Variants in SSUH2 observed in about 807,000 individuals in gnomAD.
SSUH2 encodes the protein ssu-2 homolog.
SSUH2 carries 47 observed loss-of-function variants against 55.3 expected under a neutral mutation model. That is an observed-to-expected ratio of 0.85 (90% CI 0.67 to 1.08). The LOEUF (loss-of-function observed/expected upper bound fraction) is 1.08, where lower values mean the gene tolerates loss of function less well. Ranked by LOEUF, SSUH2 falls within the 50% of genes least tolerant of loss-of-function variation. The probability of loss-of-function intolerance (pLI) is 0.00; values close to 1 mark genes in which losing one functional copy is unlikely to be tolerated. For missense variants in SSUH2, 535 were observed against 490.7 expected (o/e 1.09, Z -0.85); for synonymous variants, 212 against 191.5 (o/e 1.11, Z -0.89).
rs73812747 is a variant in SSUH2 at position 8,668,718 on chromosome 3, T to C, written c.-455+2280A>G. On this transcript the variant is annotated intron_variant, in intron 5 of 18. Coordinates refer to the SSUH2 transcript ENST00000317371. ...GACAAATCAATATTCTGGAATTTAT[T>C]TGTAATTTTCTCCCCAAGTGAAGTT... Among the ~76,000 whole-genome samples the C allele has an allele frequency of 3.4e-3, 516 of 152,356 alleles. 5 individuals carry two copies. The highest frequency in any genetic ancestry group is 0.012 in the African/African-American group (497 of 41,584).
In SSUH2 at chr3:8,630,806, T is replaced by C; in HGVS notation, c.524A>G (p.Lys175Arg). Residue 175 changes from lysine to arginine, a missense_variant and splice_region_variant, in exon 6 of 12, where the codon AAG (lysine) becomes AGG (arginine). Coordinates refer to ENST00000544814, the MANE Select transcript of SSUH2 (RefSeq NM_001256748.3). ...KFQVPHSSLV[K>R]ECHKCHGRGR... ...CAGTAATCGCGTTAATCGTATTACC[T>C]TGACCAGTGACGAGTGAGGGACCTG... 1 of 1,454,074 alleles carries C rather than the reference T, an allele frequency of 6.9e-7. No individual in the cohort carries two copies. Among genetic ancestry groups the C allele is most frequent in the Non-Finnish European group, 9.1e-7 (1 of 1,101,204 alleles). 90.1% of individuals were successfully genotyped at this position (1,454,074 alleles called of 1,614,324 possible). A position where few individuals can be genotyped will look rare whatever the true frequency, so the allele number is the denominator to read the frequency against.
At chr3:8,631,942 G>T in intron 5 of SSUH2, 107 bp downstream of exon 5, 1 of 871,308 alleles carries the variant, frequency 1.1e-6, no homozygotes. Context: ...GCTCCAAGCA[G>T]AAGACCATCT....
intron 3 of SSUH2, 37 bp from the exon 4 acceptor site, chr3:8,633,832 G>T: frequency 6.2e-7 from 1 of 1,613,248 alleles, no homozygotes; most frequent in Non-Finnish European, 8.5e-7. Context: ...GGGCTTCTGG[G>T]AAGGGCCTGT....
intron 7 of SSUH2, among the ~76,000 whole-genome samples, chr3:8,658,654 C>A (rs546492959): frequency 6.6e-6 from 1 of 152,350 alleles, no homozygotes; most frequent in East Asian, 1.9e-4. Context: ...GCTGCAAAAA[C>A]AAGCCCCCGC....
intron 4 of SSUH2, chr3:8,671,878 A>AC (rs555513836): frequency 5.6e-5 from 8 of 142,728 alleles, no homozygotes; most frequent in African/African-American, 2.3e-4. Flanking sequence ...GAGTAATATC[A>AC]CCCCCCTCTC....
chr3:8,634,858 G>A (rs369197528), intron 3 of SSUH2, among the ~76,000 whole-genome samples: 4 of 152,298 alleles, frequency 2.6e-5, no homozygotes, highest in East Asian at 1.9e-4. Context: ...GGGCCTTTCC[G>A]CGGATCTAGA....
At chr3:8,621,741 G>T (rs7610977) in intron 11 of SSUH2, among the ~76,000 whole-genome samples, 1 of 151,952 alleles carries the variant, frequency 6.6e-6, no homozygotes, top group Non-Finnish European at 1.5e-5. Context: ...TGACAATTTC[G>T]GAAATAAAAG....
At chr3:8,674,217 G>T (rs894642836) in intron 3 of SSUH2, among the ~76,000 whole-genome samples, 1 of 152,260 alleles carries the variant, frequency 6.6e-6, no homozygotes, top group African/African-American at 2.4e-5. Flanking sequence ...AAAGAAGCAA[G>T]GGAAGGGGGG....
At chr3:8,670,881 G>A (rs895048259) in intron 5 of SSUH2, 11 of 194,902 alleles carry the variant, frequency 5.6e-5, no homozygotes, top group African/African-American at 2.3e-4. Context: ...GGTGATTTAT[G>A]AGTAACATGT....
At chr3:8,623,473 C>G in intron 11 of SSUH2, 76 bp downstream of exon 11, 2 of 923,748 alleles carry the variant, frequency 2.2e-6, no homozygotes, top group East Asian at 2.6e-5. Context: ...CCTTCCGCTC[C>G]GACGTTCTCA....
At position 8,672,344 on chromosome 3, in the gene SSUH2, A is replaced by G. The variant is rs544138257; in HGVS notation, c.-752-309T>C. Among the ~76,000 whole-genome samples the G allele has an allele frequency of 1.2e-3, 183 of 152,176 alleles. 1 individual carries two copies. Among genetic ancestry groups the G allele is most frequent in the African/African-American group, 3.7e-3 (155 of 41,492 alleles). ...ATTATCCTCCCCCGCCCTGCACATT[A>G]CAAAAAATATCACAGTGTGGGTGTA... On this transcript the variant is annotated intron_variant, in intron 3 of 18. Transcript: ENST00000317371.
intron 3 of SSUH2, among the ~76,000 whole-genome samples, chr3:8,674,671 T>C (rs1179176102): frequency 6.6e-6 from 1 of 152,124 alleles, no homozygotes; most frequent in Non-Finnish European, 1.5e-5. Flanking sequence ...GACTGTCCCT[T>C]GCCCTTTTTG....
exon 1 of SSUH2, chr3:8,681,909 T>A (rs1488277026): frequency 6.4e-6 from 1 of 157,210 alleles, no homozygotes; most frequent in African/African-American, 2.4e-5. Flanking sequence ...CTGTGGGTTT[T>A]AGGTGTCCAA....
At chr3:8,639,955 G>C (rs919691463) in intron 1 of SSUH2, 7 of 985,096 alleles carry the variant, frequency 7.1e-6, no homozygotes, top group African/African-American at 1.7e-5. Context: ...TACCACGATG[G>C]GTGTATTGTC....
chr3:8,653,599 T>C (rs529431542), intron 7 of SSUH2, among the ~76,000 whole-genome samples: 198 of 152,328 alleles, frequency 1.3e-3, no homozygotes, highest in African/African-American at 4.6e-3. Flanking sequence ...TAGCACACAA[T>C]CCGGTTTAAA....
intron 3 of SSUH2, among the ~76,000 whole-genome samples, chr3:8,672,624 C>T (rs1045105790): frequency 6.6e-6 from 1 of 152,036 alleles, no homozygotes; most frequent in Non-Finnish European, 1.5e-5. Flanking sequence ...GGAGTCATAT[C>T]GTCCTCTCCC....
chr3:8,675,880 A>C (rs1165648309), intron 3 of SSUH2, among the ~76,000 whole-genome samples: 2 of 152,122 alleles, frequency 1.3e-5, no homozygotes, highest in Non-Finnish European at 2.9e-5. Flanking sequence ...CACAGAGAGA[A>C]AAGATGGCAG....
chr3:8,645,098 C>G (rs967386767), upstream of SSUH2, among the ~76,000 whole-genome samples: 2 of 152,190 alleles, frequency 1.3e-5, no homozygotes, highest in Non-Finnish European at 2.9e-5. Flanking sequence ...CAGTCTGACT[C>G]TCTAGTCAGA....
intron 2 of SSUH2, among the ~76,000 whole-genome samples, chr3:8,679,549 A>G (rs1389843996): frequency 9.6e-5 from 12 of 125,166 alleles, no homozygotes; most frequent in East Asian, 2.9e-4. Context: ...TCAGCGAGGC[A>G]GGAACTGAGA....
Sources: gnomAD v4.1 joint callset for allele counts (sites outside exome capture counted in the v4.1 genomes callset) on GRCh38, gnomAD v4.1.1 for gene constraint, MANE v1.5 for transcripts, NCBI Gene and HGNC (gene_info 2026-07-23, HGNC 2026-07-21) for gene names.